The following OPCML variants were observed in gnomAD, a reference collection of about 807,000 sequenced individuals.
OPCML encodes the protein opioid binding protein/cell adhesion molecule like, also known as opioid-binding protein/cell adhesion molecule.
A neutral mutation model predicts 37.8 loss-of-function variants in OPCML; 13 were observed. The observed-to-expected ratio is 0.34, with a 90% CI of 0.22 to 0.55. The LOEUF (loss-of-function observed/expected upper bound fraction) is 0.55, where lower values mean the gene tolerates loss of function less well. Among genes scored for constraint, OPCML ranks in the 20% least tolerant of loss-of-function variants. The pLI is 0.91. For synonymous variants in OPCML, 176 were observed against 168.8 expected (o/e 1.04, Z -0.33); for missense variants, 341 against 435.6 (o/e 0.78, Z 1.93).
chr11:132,708,380 C>A (rs1447117864), intron 2 of OPCML, among the ~76,000 whole-genome samples: 2 of 152,034 alleles, frequency 1.3e-5, no homozygotes, highest in Non-Finnish European at 2.9e-5. Flanking sequence ...AAGGGAGTAC[C>A]CTATTTGCAC....
chr11:132,530,491 G>A (rs954124289), intron 3 of OPCML, among the ~76,000 whole-genome samples: 22 of 151,816 alleles, frequency 1.4e-4, no homozygotes, highest in African/African-American at 5.3e-4. Context: ...TGTAACCAGA[G>A]CAGTCTTTCC....
At chr11:133,475,229 T>G (rs998831811) in intron 1 of OPCML, among the ~76,000 whole-genome samples, 1 of 138,696 alleles carries the variant, frequency 7.2e-6, no homozygotes, top group Non-Finnish European at 1.5e-5. Context: ...TTGTTGTTTT[T>G]TTGTTGTTGT....
At chr11:132,807,003 A>G (rs966453306) in intron 2 of OPCML, among the ~76,000 whole-genome samples, 4 of 152,168 alleles carry the variant, frequency 2.6e-5, no homozygotes, top group African/African-American at 9.7e-5. Flanking sequence ...ATATATCAAA[A>G]TGTTAGAGAT....
intron 1 of OPCML, among the ~76,000 whole-genome samples, chr11:133,040,785 A>G (rs1947877647): frequency 6.6e-6 from 1 of 152,168 alleles, no homozygotes; most frequent in Admixed American, 6.5e-5. Flanking sequence ...TCTCGCATTA[A>G]TATGGAAGTC....
intron 7 of OPCML, among the ~76,000 whole-genome samples, chr11:132,426,376 T>G (rs1368208470): frequency 6.6e-6 from 1 of 152,196 alleles, no homozygotes; most frequent in African/African-American, 2.4e-5. Context: ...ATAAAAATTC[T>G]ACTTTTGAGA....
At chr11:132,759,686 C>G (rs534665562) in intron 2 of OPCML, among the ~76,000 whole-genome samples, 1 of 152,048 alleles carries the variant, frequency 6.6e-6, no homozygotes, top group Non-Finnish European at 1.5e-5. Flanking sequence ...ATTCTTCTCT[C>G]TTTTCTTCCT....
chr11:132,807,029 C>T (rs986106859), intron 2 of OPCML, among the ~76,000 whole-genome samples: 4 of 152,044 alleles, frequency 2.6e-5, no homozygotes, highest in African/African-American at 9.7e-5. Flanking sequence ...TAACGGAATG[C>T]TCGCAGAGAA....
chr11:132,604,122 G>A (rs959661354), intron 3 of OPCML, among the ~76,000 whole-genome samples: 4 of 152,292 alleles, frequency 2.6e-5, no homozygotes, highest in Non-Finnish European at 5.9e-5. Context: ...GAAAGCAAGA[G>A]CCACAGTATA....
intron 1 of OPCML, chr11:133,006,819 C>CA (rs1353693184): frequency 1.0e-6 from 1 of 985,308 alleles, no homozygotes; most frequent in African/African-American, 1.7e-5. Context: ...GGAGCAGTGA[C>CA]ACCAGGGTAA....
At chr11:132,952,196 G>A (rs1361252533) in intron 1 of OPCML, among the ~76,000 whole-genome samples, 3 of 152,160 alleles carry the variant, frequency 2.0e-5, no homozygotes, top group African/African-American at 7.2e-5. Flanking sequence ...AGACATGGTG[G>A]CTTAGCTTGA....
rs1432805816 is a variant in OPCML at position 133,208,079 on chromosome 11, T to C, written c.62-265069A>G. Among the ~76,000 whole-genome samples, 5 of 152,152 alleles carry C rather than the reference T, an allele frequency of 3.3e-5. No homozygotes were observed. Among genetic ancestry groups the C allele is most frequent in the Non-Finnish European group, 7.3e-5 (5 of 68,038 alleles). ...TCCTTACTCTGAGCTCCCATAGCAT[T>C]ATTTTTTTCTCTCTTCAGAGCATCT... On this transcript the variant is annotated intron_variant, in intron 1 of 7. Coordinates refer to ENST00000524381, the MANE Select transcript of OPCML (RefSeq NM_001012393.5). This position sits in a 1 kb window ranked among gnomAD's most constrained non-coding sequence, Gnocchi z 8.9.
At chr11:132,580,778 G>C (rs2096460555) in intron 3 of OPCML, among the ~76,000 whole-genome samples, 1 of 152,118 alleles carries the variant, frequency 6.6e-6, no homozygotes, top group African/African-American at 2.4e-5. Flanking sequence ...AGTGGCTTAA[G>C]AGTTAAACAT....
In OPCML at chr11:132,719,207, G is replaced by A. The variant is rs1352202795; in HGVS notation, c.147-61888C>T. The stretch of plus-strand genomic sequence containing the variant: ...TGCAGACACTACCGCAGTCAGGACA[G>A]GTGGCCTTCCGCGTTTTCGTTTGGG... On this transcript the variant is annotated intron_variant, in intron 2 of 7. Coordinates refer to ENST00000524381, the MANE Select transcript of OPCML (RefSeq NM_001012393.5). Among the ~76,000 whole-genome samples the A allele has an allele frequency of 2.0e-5, 3 of 152,234 alleles. No individual in the cohort carries two copies. The East Asian group carries it at 5.8e-4, about 29-fold the overall frequency.
At chr11:132,786,197 G>T (rs1947205341) in intron 2 of OPCML, among the ~76,000 whole-genome samples, 1 of 152,140 alleles carries the variant, frequency 6.6e-6, no homozygotes, top group Non-Finnish European at 1.5e-5. Flanking sequence ...TCATGGAAGG[G>T]AAGAGTCATG....
intron 3 of OPCML, among the ~76,000 whole-genome samples, chr11:132,623,124 A>G (rs1161137362): frequency 6.6e-6 from 1 of 152,172 alleles, no homozygotes; most frequent in Non-Finnish European, 1.5e-5. Flanking sequence ...AAAAACACAC[A>G]CATTCTGAAT....
intron 1 of OPCML, among the ~76,000 whole-genome samples, chr11:133,261,162 T>C (rs1941482966): frequency 6.6e-6 from 1 of 152,226 alleles, no homozygotes. Flanking sequence ...ATTAGAACCA[T>C]TGCTAACTGC....
chr11:132,579,038 AAACAACTG>A (rs2096456809), intron 3 of OPCML, among the ~76,000 whole-genome samples: 1 of 152,140 alleles, frequency 6.6e-6, no homozygotes, highest in Non-Finnish European at 1.5e-5. Flanking sequence ...AAAAGGATAG[AAACAACTG>A]AAAATGCACC....
At chr11:132,521,237 T>C (rs929740134) in intron 4 of OPCML, among the ~76,000 whole-genome samples, 3 of 152,208 alleles carry the variant, frequency 2.0e-5, no homozygotes, top group Non-Finnish European at 2.9e-5. Flanking sequence ...TTTTTTTATC[T>C]TGTAAATTTC....
chr11:132,719,302 C>G (rs569567522), intron 2 of OPCML, among the ~76,000 whole-genome samples: 108 of 152,284 alleles, frequency 7.1e-4, no homozygotes, highest in African/African-American at 2.5e-3. Flanking sequence ...GCTTGTTTTC[C>G]TGTTCATATG....
Sources: gnomAD v4.1 joint callset for allele counts (sites outside exome capture counted in the v4.1 genomes callset) on GRCh38, gnomAD v4.1.1 for gene constraint, Gnocchi (gnomAD v3.1) non-coding constraint, MANE v1.5 for transcripts, NCBI Gene and HGNC (gene_info 2026-07-23, HGNC 2026-07-21) for gene names.